PRKAG2: variants seen among roughly 807,000 people sequenced by gnomAD.
PRKAG2 encodes the protein 5'-AMP-activated protein kinase subunit gamma-2.
In PRKAG2, 26 loss-of-function variants were observed where a neutral mutation model predicts 69.6. The ratio of observed to expected loss-of-function variants is 0.37; its 90% CI spans 0.27 to 0.52. The LOEUF (loss-of-function observed/expected upper bound fraction) is 0.52. PRKAG2 is among the 20% of genes least tolerant of loss of function. PRKAG2 has a pLI of 0.90. For synonymous variants in PRKAG2, 293 were observed against 285.0 expected (o/e 1.03, Z -0.28); for missense variants, 557 against 740.0 (o/e 0.75, Z 2.87).
chr7:151,787,320 C>T (rs894242884), intron 1 of PRKAG2, among the ~76,000 whole-genome samples: 1 of 152,140 alleles, frequency 6.6e-6, no homozygotes, highest in African/African-American at 2.4e-5. Flanking sequence ...ATCTCTAGAA[C>T]CTTTCCATCT....
At chr7:151,825,214 C>CA (rs1214217508) in intron 1 of PRKAG2, among the ~76,000 whole-genome samples, 6 of 151,382 alleles carry the variant, frequency 4.0e-5, no homozygotes, top group African/African-American at 9.7e-5. Context: ...ACTCTGTCTC[C>CA]AAAAAAAACA....
intron 4 of PRKAG2, among the ~76,000 whole-genome samples, chr7:151,674,125 G>A (rs1412155154): frequency 2.6e-5 from 4 of 152,204 alleles, no homozygotes; most frequent in Non-Finnish European, 4.4e-5. Flanking sequence ...TTACAGGCAT[G>A]AGCCACCGCA....
intron 1 of PRKAG2, among the ~76,000 whole-genome samples, chr7:151,789,636 G>A (rs946859769): frequency 1.3e-5 from 2 of 152,256 alleles, no homozygotes; most frequent in Admixed American, 6.5e-5. Context: ...ACGCCAGTGA[G>A]ATCTCAGATG....
At chr7:151,598,735 T>A (rs1585133531) in intron 5 of PRKAG2, among the ~76,000 whole-genome samples, 1 of 152,188 alleles carries the variant, frequency 6.6e-6, no homozygotes, top group African/African-American at 2.4e-5. Flanking sequence ...TGTATGGAAA[T>A]ACGGACTTAC....
At chr7:151,768,413 T>A (rs1268558238) in intron 3 of PRKAG2, among the ~76,000 whole-genome samples, 1 of 152,220 alleles carries the variant, frequency 6.6e-6, no homozygotes, top group Non-Finnish European at 1.5e-5. Context: ...AGAAGCTTCA[T>A]CAATAAAGTT....
At chr7:151,659,501 T>G (rs559434882) in intron 4 of PRKAG2, among the ~76,000 whole-genome samples, 78 of 152,314 alleles carry the variant, frequency 5.1e-4, no homozygotes, top group African/African-American at 1.8e-3. Flanking sequence ...ACCTTGAGGC[T>G]TTTCTTCTCA....
chr7:151,584,441 C>A (rs1811173651), intron 6 of PRKAG2, among the ~76,000 whole-genome samples: 1 of 151,890 alleles, frequency 6.6e-6, no homozygotes. Flanking sequence ...TCACACAAGT[C>A]CCAGTTTTAC....
chr7:151,711,147 AGTGCTAAGCTGAGAGTACTGAGG>A (rs1795238348), intron 3 of PRKAG2, among the ~76,000 whole-genome samples: 2 of 151,772 alleles, frequency 1.3e-5, no homozygotes, highest in Admixed American at 6.6e-5. Flanking sequence ...AGTACTAAAC[AGTGCTAAGCTGAGAGTACTGAGG>A]GTGCTAGGCT....
chr7:151,841,355 G>GGTAA (rs2079274688), intron 1 of PRKAG2, among the ~76,000 whole-genome samples: 1 of 152,096 alleles, frequency 6.6e-6, no homozygotes. Context: ...AGTAATGATA[G>GGTAA]TGATGGTAGG....
chr7:151,671,893 G>A (rs1181426731), intron 4 of PRKAG2, among the ~76,000 whole-genome samples: 2 of 152,216 alleles, frequency 1.3e-5, no homozygotes, highest in African/African-American at 4.8e-5. Context: ...CTTTCAAAAT[G>A]TAAGTGGGGA....
intron 3 of PRKAG2, among the ~76,000 whole-genome samples, chr7:151,676,019 A>T (rs1268450672): frequency 1.3e-5 from 2 of 152,092 alleles, no homozygotes; most frequent in East Asian, 3.9e-4. Flanking sequence ...GGGTGCTCAC[A>T]CGGTCCCGAG....
chr7:151,867,586 A>C (rs2080111137), intron 1 of PRKAG2, among the ~76,000 whole-genome samples: 1 of 152,136 alleles, frequency 6.6e-6, no homozygotes, highest in Non-Finnish European at 1.5e-5. Context: ...TATGTTAATC[A>C]CATCTGCAAA....
chr7:151,644,160 G>A (rs1585452023), intron 4 of PRKAG2, among the ~76,000 whole-genome samples: 1 of 152,048 alleles, frequency 6.6e-6, no homozygotes, highest in African/African-American at 2.4e-5. Context: ...GATGCACCAG[G>A]ATCTTACAAA....
At chr7:151,659,699 A>C (rs1219227688) in intron 4 of PRKAG2, among the ~76,000 whole-genome samples, 1 of 152,262 alleles carries the variant, frequency 6.6e-6, no homozygotes, top group Non-Finnish European at 1.5e-5. Context: ...CCCCATCTAT[A>C]GACGTGTGTC....
At chr7:151,559,382 T>C (rs1289480462) in intron 15 of PRKAG2, 2 of 985,352 alleles carry the variant, frequency 2.0e-6, no homozygotes, top group African/African-American at 3.5e-5. Context: ...ATTGTGAGAT[T>C]CAGGTCTTTT....
At chr7:151,674,457 C>T (rs1324872529) in intron 4 of PRKAG2, among the ~76,000 whole-genome samples, 1 of 152,164 alleles carries the variant, frequency 6.6e-6, no homozygotes. Flanking sequence ...ACAGGTAGAC[C>T]CAGGGATGTG....
intron 1 of PRKAG2, among the ~76,000 whole-genome samples, chr7:151,832,281 A>G (rs1369715781): frequency 1.4e-5 from 2 of 143,310 alleles, no homozygotes; most frequent in African/African-American, 5.5e-5. Context: ...GGAGGGAAGG[A>G]AGGGAGGAGG....
intron 1 of PRKAG2, among the ~76,000 whole-genome samples, chr7:151,832,618 CCA>C (rs1412178999): frequency 6.6e-6 from 1 of 151,054 alleles, no homozygotes; most frequent in Non-Finnish European, 1.5e-5. Context: ...CCAGCACAGC[CCA>C]CCCTGGGTCC....
chr7:151,616,199 C>T (rs1200574149), intron 5 of PRKAG2, among the ~76,000 whole-genome samples: 1 of 152,148 alleles, frequency 6.6e-6, no homozygotes. Context: ...GCTTTTGGAG[C>T]TGCTGTCCAG....
Sources: gnomAD v4.1 joint callset for allele counts (sites outside exome capture counted in the v4.1 genomes callset) on GRCh38, gnomAD v4.1.1 for gene constraint, MANE v1.5 for transcripts, NCBI Gene and HGNC (gene_info 2026-07-23, HGNC 2026-07-21) for gene names.